DNM2: variants seen among roughly 807,000 people sequenced by gnomAD.
DNM2 encodes dynamin-2.
In DNM2, 15 loss-of-function variants were observed where a neutral mutation model predicts 99.0. The observed-to-expected ratio is 0.15, with a 90% confidence interval of 0.10 to 0.23. The LOEUF is 0.23. Ranked by LOEUF, DNM2 falls within the 10% of genes least tolerant of loss-of-function variation. The probability of loss-of-function intolerance (pLI) is 1.00; values close to 1 mark genes in which losing one functional copy is unlikely to be tolerated. For missense variants in DNM2, 742 were observed against 1,189.4 expected (o/e 0.62, Z 5.53); for synonymous variants, 525 against 481.2 (o/e 1.09, Z -1.19).
chr19:10,777,119 C>T lies in DNM2; in HGVS notation c.591C>T (p.Gly197=), dbSNP rs372235062. ...LKLAKEVDPQ[G]LRTIGVITKL... Reference sequence around the variant, plus strand: ...CCTCTGACCTCTGGGCTCTTTCAGGCCTACGGACCATCGGTGTCATCACCA... The same window carrying T: ...CCTCTGACCTCTGGGCTCTTTCAGGTCTACGGACCATCGGTGTCATCACCA... The change falls in exon 5 of 21, where the codon GGC becomes GGT. Residue 197 remains glycine, a splice_region_variant and synonymous_variant. Transcript: ENST00000389253. The T allele has an allele frequency of 1.2e-5, 19 of 1,614,042 alleles. No individual in the cohort carries two copies. The African/African-American group carries it at 2.0e-4, about 17-fold the overall frequency.
intron 1 of DNM2, among the ~76,000 whole-genome samples, chr19:10,726,218 C>CAAAAAAAAAAAAAAAAAAAAAAAAA (rs1195927872): frequency 1.2e-5 from 1 of 82,452 alleles, no homozygotes; most frequent in Non-Finnish European, 2.3e-5. Flanking sequence ...GACTCTGCCT[C>CAAAAAAAAAAAAAAAAAAAAAAAAA]AAAAAAAAAA....
At chr19:10,736,720 A>G (rs1442498526) in intron 1 of DNM2, among the ~76,000 whole-genome samples, 1 of 152,024 alleles carries the variant, frequency 6.6e-6, no homozygotes, top group Non-Finnish European at 1.5e-5. Context: ...GGTTTTTATA[A>G]CTGTGTATTA....
chr19:10,818,176 C>T lies in DNM2; in HGVS notation c.1672-1804C>T, dbSNP rs757416147. Among the ~76,000 whole-genome samples, 9 of 152,090 alleles carry T rather than the reference C, an allele frequency of 5.9e-5. No homozygotes were observed. Among genetic ancestry groups the T allele is most frequent in the African/African-American group, 1.4e-4 (6 of 41,430 alleles). Reference sequence around the variant, plus strand: ...TTCATCACCTTCCCTCCCTTGGGTCCGCAGCGGCATCCCTCCCTCCATGGC... The same window carrying T: ...TTCATCACCTTCCCTCCCTTGGGTCTGCAGCGGCATCCCTCCCTCCATGGC... On this transcript the variant is annotated intron_variant, in intron 15 of 20. Coordinates refer to ENST00000389253, the MANE Select transcript of DNM2 (RefSeq NM_001005361.3). The surrounding 1 kb of genome is among the most constrained non-coding windows in gnomAD (Gnocchi z 4.3).
chr19:10,791,403 A>T (rs2071747745), intron 7 of DNM2, among the ~76,000 whole-genome samples: 1 of 152,096 alleles, frequency 6.6e-6, no homozygotes, highest in Non-Finnish European at 1.5e-5. Flanking sequence ...CCCCCTTTTT[A>T]TAAGGACACC....
chr19:10,792,481 G>T (rs1182168465), intron 7 of DNM2, among the ~76,000 whole-genome samples: 3 of 152,230 alleles, frequency 2.0e-5, no homozygotes, highest in Non-Finnish European at 4.4e-5. Flanking sequence ...TACTATTCAC[G>T]ATGCCAATAG....
intron 2 of DNM2, among the ~76,000 whole-genome samples, chr19:10,771,216 C>T (rs1226192250): frequency 6.6e-6 from 1 of 152,184 alleles, no homozygotes; most frequent in East Asian, 1.9e-4. Flanking sequence ...GTACAGTGGA[C>T]ACCTGTGTAC....
At chr19:10,790,087 C>G (rs1317388426) in intron 7 of DNM2, among the ~76,000 whole-genome samples, 1 of 152,134 alleles carries the variant, frequency 6.6e-6, no homozygotes, top group Non-Finnish European at 1.5e-5. Flanking sequence ...TCTGAGGGTC[C>G]AAGGTCCTCA....
At chr19:10,799,370 C>A (rs544093477) in intron 11 of DNM2, among the ~76,000 whole-genome samples, 29 of 152,256 alleles carry the variant, frequency 1.9e-4, no homozygotes, top group African/African-American at 5.8e-4. Context: ...CCCTCCCTCC[C>A]TCCCCTCGGC....
intron 1 of DNM2, among the ~76,000 whole-genome samples, chr19:10,739,166 C>T (rs1034303972): frequency 6.6e-6 from 1 of 152,130 alleles, no homozygotes; most frequent in Non-Finnish European, 1.5e-5. Context: ...GAGCGAGACT[C>T]CGTCTCAAAA....
In DNM2 at chr19:10,830,097, C is replaced by G. The variant is rs754458070; in HGVS notation, c.2292-30C>G. ...GCGGGGGCTCCTACTCCATCTGTAT[C>G]TGTAGCTCACACCCTCTCCTTCCTC... is the stretch of plus-strand genomic sequence containing the variant. On this transcript the variant is annotated intron_variant, in intron 19 of 20. Coordinates refer to ENST00000389253, the MANE Select transcript of DNM2 (RefSeq NM_001005361.3). The surrounding 1 kb of genome is among the most constrained non-coding windows in gnomAD (Gnocchi z 4.8). The G allele has an allele frequency of 6.2e-7, 1 of 1,613,782 alleles. No homozygotes were observed. The highest frequency in any genetic ancestry group is 1.1e-5 in the South Asian group (1 of 91,090).
chr19:10,726,961 G>C (rs1371309488), intron 1 of DNM2, among the ~76,000 whole-genome samples: 1 of 152,208 alleles, frequency 6.6e-6, no homozygotes, highest in Non-Finnish European at 1.5e-5. Flanking sequence ...GGATCTAGAA[G>C]AATCTTTAAT....
chr19:10,802,690 G>A, intron 12 of DNM2: 1 of 404,710 alleles, frequency 2.5e-6, no homozygotes, highest in Non-Finnish European at 4.7e-6. Flanking sequence ...TTAGCGACCA[G>A]TGTGCAGCTT....
chr19:10,826,843 C>T (rs184394502), intron 18 of DNM2, among the ~76,000 whole-genome samples: 5 of 152,226 alleles, frequency 3.3e-5, no homozygotes, highest in East Asian at 1.9e-4. Flanking sequence ...GCCATGATTA[C>T]GCCACTGCTC....
chr19:10,779,502 C>CTTTTTTTTTTTTTTTTTTT (rs55819116), intron 5 of DNM2, among the ~76,000 whole-genome samples: 17 of 29,628 alleles, frequency 5.7e-4, no homozygotes, highest in East Asian at 2.3e-3. Flanking sequence ...TTCTTTCTTT[C>CTTTTTTTTTTTTTTTTTTT]TTTTTTTTTT....
Position 10,772,575 on chromosome 19 carries a change from C to T in DNM2, c.332C>T (p.Thr111Ile), listed in dbSNP as rs1346328448. The part of the protein sequence containing the change: ...IEAETDRVTG[T>I]NKGISPVPIN... ...GCAGAGACCGACAGGGTCACGGGGACCAACAAAGGCATCTCCCCAGTGCCC... is the reference window on the plus strand; with the variant it reads ...GCAGAGACCGACAGGGTCACGGGGATCAACAAAGGCATCTCCCCAGTGCCC... The change falls in exon 3 of 21, where the codon ACC becomes ATC. Residue 111 changes from threonine (T) to isoleucine (I), a missense_variant. Around this residue, in one of 7 missense-constraint regions of DNM2, gnomAD observed 192 missense variants for 358.9 expected, o/e 0.54. Transcript: ENST00000389253. This position sits in a 1 kb window ranked among gnomAD's most constrained non-coding sequence, Gnocchi z 4.9. 6.2e-7 allele frequency: 1 copy of T among 1,614,056 alleles called. No homozygotes were observed. Among genetic ancestry groups the T allele is most frequent in the Non-Finnish European group, 8.5e-7 (1 of 1,180,022 alleles).
At chr19:10,732,920 G>T (rs1225621118) in intron 1 of DNM2, among the ~76,000 whole-genome samples, 2 of 151,218 alleles carry the variant, frequency 1.3e-5, no homozygotes, top group Non-Finnish European at 2.9e-5. Flanking sequence ...TCTCGCTCTT[G>T]TTCCCCAGGC....
At position 10,775,975 on chromosome 19, in the gene DNM2, G is replaced by A; in HGVS notation, c.589+69G>A. 6.4e-7 allele frequency: 1 copy of A among 1,574,528 alleles called. No homozygotes were observed. The highest frequency in any genetic ancestry group is 2.3e-5 in the East Asian group (1 of 43,950). ...AGCATGGGATGTGCCCAGCATCCTT[G>A]GTTCCAAGTCACTGGCGTTCTCTTT... On this transcript the variant is annotated intron_variant, in intron 4 of 20. Coordinates refer to ENST00000389253, the MANE Select transcript of DNM2 (RefSeq NM_001005361.3). The surrounding 1 kb of genome is among the most constrained non-coding windows in gnomAD (Gnocchi z 4.3).
At chr19:10,720,338 G>A (rs186558497) in intron 1 of DNM2, among the ~76,000 whole-genome samples, 5 of 151,144 alleles carry the variant, frequency 3.3e-5, no homozygotes, top group Admixed American at 6.6e-5. Flanking sequence ...TCAGCCTCCC[G>A]AGTAGCTGGG....
intron 1 of DNM2, among the ~76,000 whole-genome samples, chr19:10,757,663 G>A (rs911910378): frequency 1.3e-5 from 2 of 152,042 alleles, no homozygotes; most frequent in African/African-American, 4.8e-5. Flanking sequence ...TCTCTGTGTT[G>A]GCCAGGCACG....
Sources: gnomAD v4.1 joint callset for allele counts (sites outside exome capture counted in the v4.1 genomes callset) on GRCh38, gnomAD v4.1.1 for gene constraint, gnomAD v4.1.1 regional missense constraint, Gnocchi (gnomAD v3.1) non-coding constraint, MANE v1.5 for transcripts, NCBI Gene and HGNC (gene_info 2026-07-23, HGNC 2026-07-21) for gene names.